Variants in YEATS2 observed in about 807,000 individuals in gnomAD.
The protein encoded by YEATS2 is YEATS domain-containing protein 2.
Under a neutral mutation model 163.2 loss-of-function variants are expected in YEATS2, and 77 were observed. That is an observed-to-expected ratio of 0.47 (90% confidence interval 0.39 to 0.57). The LOEUF (loss-of-function observed/expected upper bound fraction) is 0.57. Ranked by LOEUF, YEATS2 falls within the 20% of genes least tolerant of loss-of-function variation. YEATS2 has a pLI of 0.00. For synonymous variants in YEATS2, 631 were observed against 645.1 expected (o/e 0.98, Z 0.33); for missense variants, 1,549 against 1,729.8 (o/e 0.90, Z 1.85).
chr3:183,711,001 A>T (rs1392317955), intron 1 of YEATS2, among the ~76,000 whole-genome samples: 1 of 152,186 alleles, frequency 6.6e-6, no homozygotes, highest in Admixed American at 6.6e-5. Context: ...TTCTAGGTTC[A>T]TGTGTAATTA....
intron 7 of YEATS2, among the ~76,000 whole-genome samples, chr3:183,732,573 T>G (rs1717907616): frequency 6.6e-6 from 1 of 152,078 alleles, no homozygotes; most frequent in Admixed American, 6.5e-5. Flanking sequence ...ATTTTTATGT[T>G]TTTTGAGACA....
chr3:183,772,018 C>T (rs765655093), intron 15 of YEATS2, among the ~76,000 whole-genome samples: 19 of 152,098 alleles, frequency 1.2e-4, no homozygotes, highest in Non-Finnish European at 2.9e-5. Flanking sequence ...TGAGCCACCA[C>T]GCCCGGCCAA....
At chr3:183,699,081 A>T (rs1175387302) in intron 1 of YEATS2, among the ~76,000 whole-genome samples, 1 of 152,204 alleles carries the variant, frequency 6.6e-6, no homozygotes, top group Non-Finnish European at 1.5e-5. Context: ...GAGGTCAGTT[A>T]CTGTGCTCTT....
rs1553884857 is a variant in YEATS2, at chr3:183,803,973, A to T, written c.3583-14A>T. 1.5e-5 allele frequency: 23 copies of T among 1,549,826 alleles called. No homozygotes were observed. Among genetic ancestry groups the T allele is most frequent in the Non-Finnish European group, 1.9e-5 (21 of 1,131,238 alleles). On this transcript the variant is annotated splice_polypyrimidine_tract_variant and intron_variant, in intron 26 of 30. Coordinates refer to ENST00000305135, the MANE Select transcript of YEATS2 (RefSeq NM_018023.5). ...GATTTGATTATGGTTCCAAAAGAAA[A>T]TTTTTTTTTTAAGTGGCAAAGAGCA...
In YEATS2 at chr3:183,762,273, C is replaced by T. The variant is rs1478698945; in HGVS notation, c.1941C>T (p.Pro647=). ...EGIAQSAKVQ[P]SKVVGVPVGS... ...TTGCCCAGTCAGCAAAGGTTCAGCC[C>T]TCCAAGGTTTGTGTTGGGTAGAGAT... Residue 647 remains proline (P), a synonymous_variant, in exon 15 of 31, where the codon CCC becomes CCT. Coordinates refer to ENST00000305135, the MANE Select transcript of YEATS2 (RefSeq NM_018023.5). 3 of 1,593,354 alleles carry T rather than the reference C, an allele frequency of 1.9e-6. No individual in the cohort carries two copies. The highest frequency in any genetic ancestry group is 1.7e-6 in the Non-Finnish European group (2 of 1,167,252).
At chr3:183,801,190 A>G in intron 24 of YEATS2, 1 of 308,160 alleles carries the variant, frequency 3.2e-6, no homozygotes, top group Non-Finnish European at 6.0e-6. Flanking sequence ...TTGCTATTGA[A>G]TTTTAAGGTG....
Position 183,755,466 on chromosome 3 carries a change from C to A in YEATS2, c.1391-1062C>A, listed in dbSNP as rs1045182724. On this transcript the variant is annotated intron_variant, in intron 11 of 30. Coordinates refer to ENST00000305135, the MANE Select transcript of YEATS2 (RefSeq NM_018023.5). ...GGTAGAAAAATTTTGGAACTTGCTA[C>A]TTCAGAGGTGGAATAGGCTGAACAT... is the stretch of plus-strand genomic sequence containing the variant. 5.9e-5 allele frequency among the ~76,000 whole-genome samples: 9 copies of A among 152,130 alleles called. 1 individual carries two copies. Among genetic ancestry groups the A allele is most frequent in the African/African-American group, 2.2e-4 (9 of 41,430 alleles).
At chr3:183,712,861 A>G (rs1577039234) in intron 1 of YEATS2, among the ~76,000 whole-genome samples, 1 of 151,922 alleles carries the variant, frequency 6.6e-6, no homozygotes, top group East Asian at 1.9e-4. Flanking sequence ...CCTGGATTCA[A>G]GTGATTCTCC....
intron 21 of YEATS2, among the ~76,000 whole-genome samples, chr3:183,793,830 C>G (rs146971705): frequency 6.6e-6 from 1 of 152,028 alleles, no homozygotes; most frequent in African/African-American, 2.4e-5. Flanking sequence ...CCAGGCTGGT[C>G]TCAAACTCCC....
At chr3:183,712,987 C>T (rs976337614) in intron 1 of YEATS2, among the ~76,000 whole-genome samples, 7 of 152,060 alleles carry the variant, frequency 4.6e-5, no homozygotes, top group Admixed American at 6.6e-5. Flanking sequence ...TCTGGAACCC[C>T]TGACCTCTAA....
At chr3:183,772,279 G>A (rs200551411) in intron 15 of YEATS2, 26 bp from the exon 16 acceptor site, 135 of 1,611,920 alleles carry the variant, frequency 8.4e-5, no homozygotes, top group Middle Eastern at 1.9e-4. Flanking sequence ...TCGAAGCACC[G>A]TTGGACTCTG....
chr3:183,772,236 C>T (rs537229322), intron 15 of YEATS2, 69 bp from the exon 16 acceptor site: 5 of 1,596,144 alleles, frequency 3.1e-6, no homozygotes, highest in Admixed American at 1.7e-5. Flanking sequence ...GTTTTGCTCT[C>T]TGCCAAAACG....
At chr3:183,772,201 CT>C in intron 15 of YEATS2, 103 bp from the exon 16 acceptor site, 1 of 1,500,628 alleles carries the variant, frequency 6.7e-7, no homozygotes, top group Non-Finnish European at 9.1e-7. Flanking sequence ...CTGAATTAGG[CT>C]GCATGTATTA....
At chr3:183,722,931 C>T (rs1043856525) in intron 5 of YEATS2, among the ~76,000 whole-genome samples, 2 of 152,200 alleles carry the variant, frequency 1.3e-5, no homozygotes, top group African/African-American at 2.4e-5. Context: ...GGATTACAGG[C>T]GTGAGCCACC....
At chr3:183,713,560 CTCAA>C (rs536986493) in intron 1 of YEATS2, among the ~76,000 whole-genome samples, 119 of 152,290 alleles carry the variant, frequency 7.8e-4, no homozygotes, top group Admixed American at 2.8e-3. Flanking sequence ...GAGACTCCGT[CTCAA>C]TCAATCAATC....
intron 3 of YEATS2, 89 bp from the exon 4 acceptor site, chr3:183,718,407 TTCAC>T: frequency 1.1e-6 from 1 of 908,628 alleles, no homozygotes; most frequent in African/African-American, 1.7e-5. Flanking sequence ...GCTTTTTTTT[TTCAC>T]TCATTCACGT....
At chr3:183,703,347 G>C (rs575480808) in intron 1 of YEATS2, among the ~76,000 whole-genome samples, 9 of 152,306 alleles carry the variant, frequency 5.9e-5, no homozygotes, top group African/African-American at 2.2e-4. Flanking sequence ...ACCTGACTTA[G>C]AATAATTAGC....
rs547662919 is a variant in YEATS2, at chr3:183,701,385, G to T, written c.-20+3392G>T. 1.6e-4 allele frequency among the ~76,000 whole-genome samples: 24 copies of T among 146,188 alleles called. No homozygotes were observed. The South Asian group carries it at 3.8e-3, about 23-fold the overall frequency. On this transcript the variant is annotated intron_variant, in intron 1 of 30. Transcript: ENST00000305135. ...CAGGCTTGAGCCACCGCGCCCGGCC[G>T]GTCAATATATATATTTTTTGAGACA...
At chr3:183,747,927 G>A (rs1403813665) in intron 9 of YEATS2, among the ~76,000 whole-genome samples, 2 of 151,748 alleles carry the variant, frequency 1.3e-5, no homozygotes, top group Non-Finnish European at 2.9e-5. Context: ...TTACAGGAAC[G>A]CACCACCATG....
Sources: allele counts gnomAD v4.1 joint callset (sites outside exome capture counted in the v4.1 genomes callset), GRCh38; gene constraint gnomAD v4.1.1; transcripts MANE v1.5; gene names NCBI Gene and HGNC (gene_info 2026-07-23, HGNC 2026-07-21).